Variants in SCAMP1 observed in about 807,000 individuals in gnomAD.
The protein encoded by SCAMP1 is secretory carrier-associated membrane protein 1.
Under a neutral mutation model 41.8 loss-of-function variants are expected in SCAMP1, and 15 were observed. That is an observed-to-expected ratio of 0.36 (90% CI 0.24 to 0.55). The LOEUF (loss-of-function observed/expected upper bound fraction) is 0.55. SCAMP1 is among the 20% of genes least tolerant of loss of function. The pLI, the probability that SCAMP1 is intolerant of heterozygous loss-of-function variation, is 0.86. For synonymous variants in SCAMP1, 135 were observed against 136.8 expected (o/e 0.99, Z 0.09); for missense variants, 341 against 412.6 (o/e 0.83, Z 1.50).
intron 1 of SCAMP1, among the ~76,000 whole-genome samples, chr5:78,386,524 C>CTT (rs139335085): frequency 4.8e-5 from 7 of 145,838 alleles, no homozygotes; most frequent in African/African-American, 1.8e-4. Context: ...TTTCTTTTTT[C>CTT]TTTTTTTTTT....
chr5:78,471,750 A>G (rs1000076441), intron 8 of SCAMP1, among the ~76,000 whole-genome samples: 1 of 152,142 alleles, frequency 6.6e-6, no homozygotes, highest in Non-Finnish European at 1.5e-5. Context: ...TGGCTGTGAC[A>G]CTTCGGCAGA....
At chr5:78,416,702 T>A in intron 4 of SCAMP1, 53 bp downstream of exon 4, 1 of 1,315,314 alleles carries the variant, frequency 7.6e-7, no homozygotes, top group Non-Finnish European at 1.1e-6. Context: ...CTTTACATTA[T>A]GTCTATACTA....
chr5:78,435,062 G>A (rs561212933), intron 6 of SCAMP1, among the ~76,000 whole-genome samples: 21 of 152,212 alleles, frequency 1.4e-4, no homozygotes, highest in Non-Finnish European at 2.1e-4. Context: ...GTAGTTTAGA[G>A]GTAGAACAGA....
At chr5:78,421,672 A>G in intron 5 of SCAMP1, 129 bp from the exon 6 acceptor site, 1 of 789,778 alleles carries the variant, frequency 1.3e-6, no homozygotes, top group Non-Finnish European at 2.1e-6. Flanking sequence ...TTTGAAAAAT[A>G]TAAATGGAAA....
intron 1 of SCAMP1, chr5:78,361,041 A>G (rs1750633641): frequency 3.4e-6 from 1 of 293,180 alleles, no homozygotes; most frequent in Admixed American, 5.3e-5. Context: ...CTCTCAGGAG[A>G]GAAAGCCGAG....
chr5:78,409,949 T>C (rs1282435777), intron 2 of SCAMP1, among the ~76,000 whole-genome samples: 4 of 152,144 alleles, frequency 2.6e-5, no homozygotes, highest in African/African-American at 9.7e-5. Context: ...ATTGTTTTAT[T>C]GTTGCTGCTT....
chr5:78,473,951 A>G (rs1753944881), intron 8 of SCAMP1, among the ~76,000 whole-genome samples: 1 of 152,094 alleles, frequency 6.6e-6, no homozygotes, highest in Non-Finnish European at 1.5e-5. Context: ...CCAAGATAAG[A>G]AAGACACTGA....
chr5:78,479,204 T>C lies in SCAMP1; in HGVS notation c.*3536T>C, dbSNP rs956753655. Reference sequence around the variant, plus strand: ...ACCATTTCACTATATCTCCTTTCAGTTTTTCCTTAAGGAAAATGTTTAGAG... The same window carrying C: ...ACCATTTCACTATATCTCCTTTCAGCTTTTCCTTAAGGAAAATGTTTAGAG... On this transcript the variant is annotated 3_prime_UTR_variant, in exon 9 of 9. Coordinates refer to ENST00000621999, the MANE Select transcript of SCAMP1 (RefSeq NM_004866.6). The C allele has an allele frequency of 6.6e-6, 1 of 152,170 alleles. No homozygotes were observed. Among genetic ancestry groups the C allele is most frequent in the African/African-American group, 2.4e-5 (1 of 41,454 alleles). 9.4% of individuals were successfully genotyped at this position (152,170 alleles called of 1,614,324 possible).
intron 1 of SCAMP1, among the ~76,000 whole-genome samples, chr5:78,387,666 T>C (rs4703756): frequency 0.19 from 28,384 of 152,130 alleles, 3,276 homozygotes; most frequent in Admixed American, 0.34. Context: ...GATGTGGTGC[T>C]CCTCCCTTTC....
intron 6 of SCAMP1, among the ~76,000 whole-genome samples, chr5:78,448,284 A>G (rs1753121440): frequency 6.9e-6 from 1 of 144,278 alleles, no homozygotes; most frequent in African/African-American, 2.5e-5. Context: ...CTCTTGCCTC[A>G]ATGTCTAAAT....
chr5:78,464,554 T>C lies in SCAMP1; in HGVS notation c.852+5192T>C, dbSNP rs994538926. On this transcript the variant is annotated intron_variant, in intron 8 of 8. Coordinates refer to ENST00000621999, the MANE Select transcript of SCAMP1 (RefSeq NM_004866.6). ...CTCATCCTTCTCGCAGTCCATTTAA[T>C]ATATAATTCCTATATTAACCTTAAA... Among the ~76,000 whole-genome samples, 10 of 152,338 alleles carry C rather than the reference T, an allele frequency of 6.6e-5. No individual in the cohort carries two copies. In the East Asian group the frequency reaches 1.9e-3, roughly 29 times the overall value.
At chr5:78,413,923 A>G (rs747026060) in intron 2 of SCAMP1, among the ~76,000 whole-genome samples, 1 of 151,544 alleles carries the variant, frequency 6.6e-6, no homozygotes. Flanking sequence ...TTTCTTATTT[A>G]TGACCTCCCC....
At chr5:78,394,339 TA>T (rs202091183) in intron 2 of SCAMP1, among the ~76,000 whole-genome samples, 2 of 150,974 alleles carry the variant, frequency 1.3e-5, no homozygotes, top group South Asian at 2.1e-4. Context: ...ATCTTTTTTT[TA>T]TATATATATA....
chr5:78,375,316 T>C (rs1751039604), intron 1 of SCAMP1, among the ~76,000 whole-genome samples: 1 of 152,206 alleles, frequency 6.6e-6, no homozygotes, highest in Non-Finnish European at 1.5e-5. Flanking sequence ...ACTTGGTCTT[T>C]GGATTTAGAT....
chr5:78,423,012 GCGCGCA>G lies in SCAMP1; in HGVS notation c.632+1054_632+1059del, dbSNP rs1224992068. Among the ~76,000 whole-genome samples the G allele has an allele frequency of 5.4e-3, 809 of 150,906 alleles. 5 individuals carry two copies. Among genetic ancestry groups the G allele is most frequent in the African/African-American group, 0.018 (739 of 41,042 alleles). ...TAACCAGAATGTGTAACACACGCGC[GCGCGCA>G]CACACACACACACACACACACACAC... On this transcript the variant is annotated intron_variant, in intron 6 of 8. Coordinates refer to ENST00000621999, the MANE Select transcript of SCAMP1 (RefSeq NM_004866.6).
At position 78,476,078 on chromosome 5, in the gene SCAMP1, T is replaced by G. The variant is rs886955201; in HGVS notation, c.*410T>G. 6.5e-6 allele frequency: 1 copy of G among 152,840 alleles called. No individual in the cohort carries two copies. The highest frequency in any genetic ancestry group is 2.4e-5 in the African/African-American group (1 of 41,466). The allele number at this position is 152,840 out of a possible 1,614,324, so 9.5% of individuals were successfully genotyped here. ...AAACCATGTTTCATTCCTTTTTCCC[T>G]ATTTATATTGAAAGAAATAGGCCAG... On this transcript the variant is annotated 3_prime_UTR_variant, in exon 9 of 9. Transcript: ENST00000621999.
At chr5:78,430,093 T>A (rs1208280166) in intron 6 of SCAMP1, among the ~76,000 whole-genome samples, 2 of 73,090 alleles carry the variant, frequency 2.7e-5, no homozygotes, top group African/African-American at 9.6e-5. Context: ...CAGTATTTAT[T>A]TATAAATACA....
chr5:78,447,337 A>G (rs1047998546), intron 6 of SCAMP1, among the ~76,000 whole-genome samples: 11 of 144,856 alleles, frequency 7.6e-5, no homozygotes, highest in African/African-American at 2.6e-4. Context: ...AAGTTGATGG[A>G]CTAACACCAC....
In SCAMP1 at chr5:78,449,889, C is replaced by T. The variant is rs191258861; in HGVS notation, c.633-44C>T. 4.1e-4 allele frequency: 437 copies of T among 1,056,642 alleles called. 2 individuals carry two copies. The highest frequency in any genetic ancestry group is 4.1e-3 in the South Asian group (263 of 64,580). The allele number at this position is 1,056,642 out of a possible 1,614,324, so 65.5% of individuals were successfully genotyped here. On this transcript the variant is annotated intron_variant, in intron 6 of 8. Transcript: ENST00000621999. ...ATGACGTTTTTCCCCTTCTTTCTCT[C>T]CCCCTAACCCCCTTTTTTCTTTCTT...
Sources: allele counts gnomAD v4.1 joint callset (sites outside exome capture counted in the v4.1 genomes callset), GRCh38; gene constraint gnomAD v4.1.1; transcripts MANE v1.5; gene names NCBI Gene and HGNC (gene_info 2026-07-23, HGNC 2026-07-21).